CDH20: variants seen among roughly 807,000 people sequenced by gnomAD.
CDH20 encodes the protein cadherin-20.
In CDH20, 29 loss-of-function variants were observed where a neutral mutation model predicts 74.2. The ratio of observed to expected loss-of-function variants is 0.39; its 90% CI spans 0.29 to 0.53. The LOEUF is 0.53. Ranked by LOEUF, CDH20 falls within the 20% of genes least tolerant of loss-of-function variation. The pLI is 0.69. For synonymous variants in CDH20, 469 were observed against 405.4 expected (o/e 1.16, Z -1.88); for missense variants, 988 against 1,048.3 (o/e 0.94, Z 0.79).
intron 1 of CDH20, among the ~76,000 whole-genome samples, chr18:61,379,568 T>C (rs1436851730): frequency 6.6e-6 from 1 of 152,210 alleles, no homozygotes; most frequent in Admixed American, 6.5e-5. Context: ...AGAGTATCTA[T>C]TATTAACTGA....
intron 1 of CDH20, among the ~76,000 whole-genome samples, chr18:61,423,700 T>TA (rs543467783): frequency 2.5e-3 from 384 of 152,200 alleles, no homozygotes; most frequent in Non-Finnish European, 4.9e-3. Context: ...CTTCACCCCA[T>TA]AAAAAAATTG....
intron 1 of CDH20, among the ~76,000 whole-genome samples, chr18:61,464,287 A>G (rs1662480256): frequency 6.6e-6 from 1 of 152,010 alleles, no homozygotes; most frequent in East Asian, 1.9e-4. Context: ...AGCTGAGGGA[A>G]AAAGAGTTTG....
Position 61,554,397 on chromosome 18 carries a change from C to G in CDH20, c.2108C>G (p.Pro703Arg). Residue 703 changes from proline to arginine, a missense_variant, in exon 12 of 12, where the codon CCC (proline) becomes CGC (arginine). Transcript: ENST00000262717. ...CCCAAGACGCGGCAGGACATGCTGC[C>G]CGAGATCGAGAGCCTCTCCCGCTAC... Reference protein sequence around the residue: ...AAPKTRQDMLPEIESLSRYVP... With the variant: ...AAPKTRQDMLREIESLSRYVP... The G allele has an allele frequency of 1.9e-6, 3 of 1,612,970 alleles. No homozygotes were observed. Among genetic ancestry groups the G allele is most frequent in the South Asian group, 1.1e-5 (1 of 91,056 alleles).
At chr18:61,334,030 G>A (rs1028884725) in intron 1 of CDH20, among the ~76,000 whole-genome samples, 2 of 152,292 alleles carry the variant, frequency 1.3e-5, no homozygotes, top group Non-Finnish European at 2.9e-5. Context: ...GAAGGGGTTG[G>A]AAATGGGCTG....
At chr18:61,468,188 C>T (rs1038536419) in intron 1 of CDH20, among the ~76,000 whole-genome samples, 6 of 152,160 alleles carry the variant, frequency 3.9e-5, no homozygotes, top group Non-Finnish European at 5.9e-5. Context: ...CAAGAGCAGC[C>T]GTGATCCAAT....
At chr18:61,476,403 T>C (rs1599111261) in intron 1 of CDH20, among the ~76,000 whole-genome samples, 1 of 152,186 alleles carries the variant, frequency 6.6e-6, no homozygotes, top group African/African-American at 2.4e-5. Flanking sequence ...TGCAAACACA[T>C]GAAAAACCCC....
chr18:61,430,123 T>C (rs958251956), intron 1 of CDH20, among the ~76,000 whole-genome samples: 72 of 152,222 alleles, frequency 4.7e-4, no homozygotes, highest in African/African-American at 1.7e-3. Flanking sequence ...TATTTTATTG[T>C]TTTTAGAAAA....
intron 1 of CDH20, among the ~76,000 whole-genome samples, chr18:61,425,770 T>C (rs183078624): frequency 6.6e-5 from 10 of 152,228 alleles, no homozygotes; most frequent in African/African-American, 1.4e-4. Flanking sequence ...AGATGACGGA[T>C]ACACGAAAAA....
intron 6 of CDH20, among the ~76,000 whole-genome samples, chr18:61,523,075 A>C (rs1912267110): frequency 1.3e-5 from 2 of 152,240 alleles, no homozygotes; most frequent in Admixed American, 1.3e-4. Flanking sequence ...GATTGAATTA[A>C]ACTAAAGAGC....
intron 1 of CDH20, among the ~76,000 whole-genome samples, chr18:61,440,744 A>G (rs1909001620): frequency 6.6e-6 from 1 of 152,108 alleles, no homozygotes. Context: ...CTCCCCTTCA[A>G]CAGGCCAGGC....
Position 61,550,214 on chromosome 18 carries a change from A to T in CDH20, c.1885A>T (p.Ile629Phe). Residue 629 changes from isoleucine to phenylalanine, a missense_variant, in exon 11 of 12, where the codon ATC becomes TTC. Physicochemically the swap from Ile to Phe is conservative, Grantham distance 21. Around this residue, in one of 2 missense-constraint regions of CDH20, gnomAD observed 375 missense variants for 293.1 expected, o/e 1.28. Transcript: ENST00000262717. Reference sequence around the variant, plus strand: ...CGCCCTCATTGCCATCCTCGCCTGCATCTTTGTCCTCTTAGGTGAGTAAGG... The same window carrying T: ...CGCCCTCATTGCCATCCTCGCCTGCTTCTTTGTCCTCTTAGGTGAGTAAGG... ...RGALIAILACIFVLLVLVLLI... is the reference protein window; with the variant it reads ...RGALIAILACFFVLLVLVLLI... The T allele has an allele frequency of 6.2e-7, 1 of 1,613,546 alleles. No homozygotes were observed. The highest frequency in any genetic ancestry group is 8.5e-7 in the Non-Finnish European group (1 of 1,179,844).
At chr18:61,395,240 G>A (rs954804013) in intron 1 of CDH20, among the ~76,000 whole-genome samples, 2 of 152,188 alleles carry the variant, frequency 1.3e-5, no homozygotes, top group African/African-American at 4.8e-5. Flanking sequence ...TAACAGACTT[G>A]ACACTCACTA....
chr18:61,543,597 G>A (rs1280366599), intron 9 of CDH20, among the ~76,000 whole-genome samples: 1 of 152,160 alleles, frequency 6.6e-6, no homozygotes, highest in South Asian at 2.1e-4. Context: ...GTGAGTCCAA[G>A]AGGAAGCCAC....
At chr18:61,456,084 C>T (rs1016916973) in intron 1 of CDH20, among the ~76,000 whole-genome samples, 12 of 152,190 alleles carry the variant, frequency 7.9e-5, no homozygotes, top group Non-Finnish European at 1.3e-4. Context: ...CAAGCTTCAC[C>T]GTTTGGGGTG....
chr18:61,417,577 C>CAAAAAAAA (rs1362637528), intron 1 of CDH20, among the ~76,000 whole-genome samples: 1 of 6,214 alleles, frequency 1.6e-4, no homozygotes, highest in Non-Finnish European at 3.1e-4. Context: ...GATGTGGGAG[C>CAAAAAAAA]TAAAAAAAAA....
chr18:61,552,597 C>T (rs1913475382), intron 11 of CDH20, among the ~76,000 whole-genome samples: 1 of 152,118 alleles, frequency 6.6e-6, no homozygotes, highest in African/African-American at 2.4e-5. Context: ...CCCAGTCTCC[C>T]AGGTAAAATT....
chr18:61,478,539 T>C (rs1910474508), intron 1 of CDH20, among the ~76,000 whole-genome samples: 1 of 152,166 alleles, frequency 6.6e-6, no homozygotes, highest in South Asian at 2.1e-4. Flanking sequence ...AAAAATAGTA[T>C]TCACCTGCAT....
chr18:61,555,011 C>G lies in CDH20; in HGVS notation c.*316C>G. On this transcript the variant is annotated 3_prime_UTR_variant, in exon 12 of 12. Coordinates refer to ENST00000262717, the MANE Select transcript of CDH20 (RefSeq NM_031891.4). ...GGCTTTTCTCTGCCATTCGCTAAGG[C>G]CTTTGTCACTTTTCCACCACAGAAA... is the stretch of plus-strand genomic sequence containing the variant. 8.5e-7 allele frequency: 1 copy of G among 1,182,280 alleles called. No individual in the cohort carries two copies. 73.2% of individuals were successfully genotyped at this position (1,182,280 alleles called of 1,614,324 possible). A position where few individuals can be genotyped will look rare whatever the true frequency, so the allele number is the denominator to read the frequency against.
intron 8 of CDH20, among the ~76,000 whole-genome samples, chr18:61,537,872 C>T (rs1912866154): frequency 6.6e-6 from 1 of 152,060 alleles, no homozygotes; most frequent in South Asian, 2.1e-4. Flanking sequence ...AAATATGATT[C>T]AGAAGAACAA....
Sources: gnomAD v4.1 joint callset for allele counts (sites outside exome capture counted in the v4.1 genomes callset) on GRCh38, gnomAD v4.1.1 for gene constraint, gnomAD v4.1.1 regional missense constraint, MANE v1.5 for transcripts, NCBI Gene and HGNC (gene_info 2026-07-23, HGNC 2026-07-21) for gene names.